VGLL4: variants seen among roughly 807,000 people sequenced by gnomAD.
VGLL4 encodes vestigial like family member 4.
Under a neutral mutation model 21.0 loss-of-function variants are expected in VGLL4, and 7 were observed. The observed-to-expected ratio is 0.33, with a 90% CI of 0.19 to 0.63. The LOEUF is 0.63. Among genes scored for constraint, VGLL4 ranks in the 20% least tolerant of loss-of-function variants. The pLI, the probability that VGLL4 is intolerant of heterozygous loss-of-function variation, is 0.78. For synonymous variants in VGLL4, 222 were observed against 173.2 expected (o/e 1.28, Z -2.21); for missense variants, 394 against 425.7 (o/e 0.93, Z 0.66).
Position 11,568,853 on chromosome 3 carries a change from C to G in VGLL4, c.273-3834G>C. The stretch of plus-strand genomic sequence containing the variant: ...GGACTCTGAGTGGCTCCGTGCCAGG[C>G]CTATCAGAGCCGCTGAGGCTGCACG... On this transcript the variant is annotated intron_variant, in intron 2 of 4. Coordinates refer to ENST00000430365, the MANE Select transcript of VGLL4 (RefSeq NM_001128219.3). This position sits in a 1 kb window ranked among gnomAD's most constrained non-coding sequence, Gnocchi z 5.9. The G allele has an allele frequency of 7.2e-7, 1 of 1,381,676 alleles. No individual in the cohort carries two copies. Among genetic ancestry groups the G allele is most frequent in the Non-Finnish European group, 9.4e-7 (1 of 1,067,984 alleles). 85.6% of individuals were successfully genotyped at this position (1,381,676 alleles called of 1,614,324 possible).
chr3:11,704,293 A>G lies in VGLL4; in HGVS notation c.-13-1246T>C, dbSNP rs905913717. On this transcript the variant is annotated intron_variant, in intron 1 of 5. Transcript: ENST00000273038. ...AGCTACTCAAGAGGCTCAGGCAGGA[A>G]GATCGCTTGTACCCGGGAGGCAGAG... Among the ~76,000 whole-genome samples the G allele has an allele frequency of 7.3e-5, 11 of 150,804 alleles. No homozygotes were observed. The East Asian group carries it at 1.6e-3, about 22-fold the overall frequency.
intron 2 of VGLL4, among the ~76,000 whole-genome samples, chr3:11,690,541 G>C (rs1250357146): frequency 1.3e-5 from 2 of 151,948 alleles, no homozygotes; most frequent in Non-Finnish European, 2.9e-5. Flanking sequence ...CTAGTGAACA[G>C]AACAGACTTT....
chr3:11,708,504 G>A (rs960593237), intron 1 of VGLL4, among the ~76,000 whole-genome samples: 6 of 152,222 alleles, frequency 3.9e-5, no homozygotes, highest in Non-Finnish European at 8.8e-5. Context: ...GGAGGCCTGA[G>A]GTGGGCAGCA....
chr3:11,568,921 C>A lies in VGLL4; in HGVS notation c.273-3902G>T. The A allele has an allele frequency of 7.9e-7, 1 of 1,262,066 alleles. No individual in the cohort carries two copies. Among genetic ancestry groups the A allele is most frequent in the Non-Finnish European group, 1.0e-6 (1 of 997,838 alleles). 78.2% of individuals were successfully genotyped at this position (1,262,066 alleles called of 1,614,324 possible). A position where few individuals can be genotyped will look rare whatever the true frequency, so the allele number is the denominator to read the frequency against. Reference sequence around the variant, plus strand: ...GGGCCTCATCCCCATCCTAGGCGGGCACTTCCACTGCCAGCTGCCCACGGA... The same window carrying A: ...GGGCCTCATCCCCATCCTAGGCGGGAACTTCCACTGCCAGCTGCCCACGGA... On this transcript the variant is annotated intron_variant, in intron 2 of 4. Transcript: ENST00000430365. This position sits in a 1 kb window ranked among gnomAD's most constrained non-coding sequence, Gnocchi z 5.9.
At chr3:11,702,542 T>A (rs2076695975) in intron 2 of VGLL4, among the ~76,000 whole-genome samples, 2 of 149,814 alleles carry the variant, frequency 1.3e-5, no homozygotes. Flanking sequence ...GGCAGCAGAA[T>A]CACTTGAACC....
intron 2 of VGLL4, among the ~76,000 whole-genome samples, chr3:11,681,246 C>T (rs892424104): frequency 1.3e-5 from 2 of 152,030 alleles, no homozygotes; most frequent in Non-Finnish European, 2.9e-5. Flanking sequence ...TACAGGTGCC[C>T]GCCACCACGC....
intron 2 of VGLL4, among the ~76,000 whole-genome samples, chr3:11,675,168 C>T (rs1378547832): frequency 6.6e-6 from 1 of 152,044 alleles, no homozygotes; most frequent in African/African-American, 2.4e-5. Flanking sequence ...ATGGCGAAAA[C>T]CTGTCTCTAC....
Position 11,606,900 on chromosome 3 carries a change from G to A in VGLL4, c.83-4878C>T, listed in dbSNP as rs573849997. On this transcript the variant is annotated intron_variant, in intron 1 of 4. Coordinates refer to ENST00000430365, the MANE Select transcript of VGLL4 (RefSeq NM_001128219.3). Reference sequence around the variant, plus strand: ...TTGCTGCTGCTCACTCTTTGTGTCCGTGCCACCTTTAAGAGCTGTAACACT... The same window carrying A: ...TTGCTGCTGCTCACTCTTTGTGTCCATGCCACCTTTAAGAGCTGTAACACT... 3.9e-5 allele frequency among the ~76,000 whole-genome samples: 6 copies of A among 152,228 alleles called. No homozygotes were observed. In the South Asian group the frequency reaches 6.2e-4, roughly 16 times the overall value.
Position 11,568,668 on chromosome 3 carries a change from C to A in VGLL4, c.273-3649G>T. 3.2e-6 allele frequency: 5 copies of A among 1,557,362 alleles called. No homozygotes were observed. Among genetic ancestry groups the A allele is most frequent in the Non-Finnish European group, 4.3e-6 (5 of 1,149,672 alleles). The stretch of plus-strand genomic sequence containing the variant: ...CAGACATTGTTTTCCAGGCCCCGCT[C>A]GCCCGGATGAATCACCTCCCGGCCA... On this transcript the variant is annotated intron_variant, in intron 2 of 4. Transcript: ENST00000430365. The surrounding 1 kb of genome is among the most constrained non-coding windows in gnomAD (Gnocchi z 5.9).
At chr3:11,597,498 TTAC>T (rs2125256763) in intron 2 of VGLL4, among the ~76,000 whole-genome samples, 1 of 152,294 alleles carries the variant, frequency 6.6e-6, no homozygotes, top group African/African-American at 2.4e-5. Flanking sequence ...AACTTAAAAC[TTAC>T]ATTTGTTTTA....
chr3:11,620,067 C>T (rs1345939170), intron 1 of VGLL4, among the ~76,000 whole-genome samples: 12 of 152,018 alleles, frequency 7.9e-5, no homozygotes, highest in Admixed American at 7.9e-4. Context: ...AATTAGTAAT[C>T]AGGATGTTGG....
intron 3 of VGLL4, among the ~76,000 whole-genome samples, chr3:11,562,201 A>G (rs1264758994): frequency 6.6e-6 from 1 of 152,008 alleles, no homozygotes; most frequent in Non-Finnish European, 1.5e-5. Context: ...CCAGCCCTCA[A>G]TGTGCGAAGC....
chr3:11,579,715 T>C (rs915903305), intron 2 of VGLL4, among the ~76,000 whole-genome samples: 1 of 152,122 alleles, frequency 6.6e-6, no homozygotes, highest in Admixed American at 6.5e-5. Flanking sequence ...CCAAGTTTCA[T>C]GCACCCCAAG....
chr3:11,602,046 T>G, intron 1 of VGLL4, 24 bp from the exon 2 acceptor site: 1 of 1,504,824 alleles, frequency 6.6e-7, no homozygotes, highest in Non-Finnish European at 8.8e-7. Context: ...GATGATGTAG[T>G]CACTAAGCAG....
intron 1 of VGLL4, among the ~76,000 whole-genome samples, chr3:11,617,581 C>T (rs1212679773): frequency 2.0e-5 from 3 of 152,208 alleles, no homozygotes; most frequent in African/African-American, 7.2e-5. Flanking sequence ...AGGTTGAAGA[C>T]ACATTTTAAG....
At chr3:11,583,681 G>A (rs767134991) in intron 2 of VGLL4, among the ~76,000 whole-genome samples, 3 of 152,182 alleles carry the variant, frequency 2.0e-5, no homozygotes, top group Non-Finnish European at 4.4e-5. Flanking sequence ...CTCTCGTCAC[G>A]ATGACGATGC....
At position 11,653,446 on chromosome 3, in the gene VGLL4, A is replaced by G. The variant is rs1266791114; in HGVS notation, c.64+49525T>C. Among the ~76,000 whole-genome samples, 1 of 152,140 alleles carries G rather than the reference A, an allele frequency of 6.6e-6. No homozygotes were observed. The highest frequency in any genetic ancestry group is 2.4e-5 in the African/African-American group (1 of 41,416). On this transcript the variant is annotated intron_variant, in intron 2 of 5. Transcript: ENST00000273038. This position sits in a 1 kb window ranked among gnomAD's most constrained non-coding sequence, Gnocchi z 4.2. ...CACATATTTTATGAGTGGTAGCATTATTTTTATGTGCAGTTGCATAGCATT... is the reference window on the plus strand; with the variant it reads ...CACATATTTTATGAGTGGTAGCATTGTTTTTATGTGCAGTTGCATAGCATT...
At chr3:11,661,508 T>C (rs955583986) in intron 2 of VGLL4, among the ~76,000 whole-genome samples, 1 of 151,998 alleles carries the variant, frequency 6.6e-6, no homozygotes, top group Non-Finnish European at 1.5e-5. Context: ...TCTTATTCTA[T>C]TGCCCAGGCT....
intron 1 of VGLL4, among the ~76,000 whole-genome samples, chr3:11,715,400 C>T (rs2076906300): frequency 6.6e-6 from 1 of 152,072 alleles, no homozygotes; most frequent in Non-Finnish European, 1.5e-5. Flanking sequence ...ATGGTGCGAT[C>T]TCAGCTCACT....
Sources: allele counts gnomAD v4.1 joint callset (sites outside exome capture counted in the v4.1 genomes callset), GRCh38; gene constraint gnomAD v4.1.1; non-coding constraint Gnocchi (gnomAD v3.1); transcripts MANE v1.5; gene names NCBI Gene and HGNC (gene_info 2026-07-23, HGNC 2026-07-21).